NCOA7: variants seen among roughly 807,000 people sequenced by gnomAD.
NCOA7 encodes nuclear receptor coactivator 7.
A neutral mutation model predicts 104.3 loss-of-function variants in NCOA7; 45 were observed. The ratio of observed to expected loss-of-function variants is 0.43; its 90% CI spans 0.34 to 0.55. The LOEUF is 0.55. NCOA7 is among the 20% of genes least tolerant of loss of function. The pLI, the probability that NCOA7 is intolerant of heterozygous loss-of-function variation, is 0.02. For missense variants in NCOA7, 1,041 were observed against 1,119.7 expected, an observed-to-expected ratio of 0.93 and a Z score of 1.00; for synonymous variants, 398 against 402.3, an observed-to-expected ratio of 0.99 and a Z score of 0.13.
chr6:125,788,852 C>T (rs1460735590), upstream of NCOA7, among the ~76,000 whole-genome samples: 4 of 151,870 alleles, frequency 2.6e-5, no homozygotes, highest in Admixed American at 1.3e-4. Context: ...AGAAGACTGA[C>T]GTTTTATAAT....
chr6:125,885,209 C>T lies in NCOA7; in HGVS notation c.750C>T (p.Asp250=). The part of the protein sequence containing the change: ...MIVTPNNIMF[D]PHKSDPLVIE... ...TGACTCCTAACAACATCATGTTTGACCCTCATAAATCTGATCCTCTGGTTA... is the reference window on the plus strand; with the variant it reads ...TGACTCCTAACAACATCATGTTTGATCCTCATAAATCTGATCCTCTGGTTA... The change falls in exon 8 of 16, where the codon GAC becomes GAT. Residue 250 remains aspartate, a synonymous_variant. Transcript: ENST00000392477. 1 of 1,613,984 alleles carries T rather than the reference C, an allele frequency of 6.2e-7. No homozygotes were observed. Among genetic ancestry groups the T allele is most frequent in the African/African-American group, 1.3e-5 (1 of 75,006 alleles).
intron 2 of NCOA7, among the ~76,000 whole-genome samples, 195 bp from the exon 3 acceptor site, chr6:125,854,825 C>T (rs1352954990): frequency 6.6e-6 from 1 of 151,898 alleles, no homozygotes; most frequent in East Asian, 1.9e-4. Context: ...TGAAGAAAGG[C>T]CACAGATCTC....
At chr6:125,825,902 A>C (rs914993863) in intron 2 of NCOA7, among the ~76,000 whole-genome samples, 2 of 152,262 alleles carry the variant, frequency 1.3e-5, no homozygotes, top group African/African-American at 4.8e-5. Context: ...AAATGTAAAA[A>C]CAGGTATATA....
rs1457413943 is a variant in NCOA7 at position 125,891,321 on chromosome 6, TTTCAA to T, written c.2096+516_2096+520del. 2.0e-5 allele frequency among the ~76,000 whole-genome samples: 3 copies of T among 152,178 alleles called. No homozygotes were observed. The East Asian group carries it at 5.8e-4, about 29-fold the overall frequency. On this transcript the variant is annotated intron_variant, in intron 10 of 15. Coordinates refer to ENST00000392477, the MANE Select transcript of NCOA7 (RefSeq NM_181782.5). ...TGTATACTCCTATAAAAAATTATAT[TTTCAA>T]TTCACCAAAGAAGATACCTTCTTGG...
intron 2 of NCOA7, among the ~76,000 whole-genome samples, chr6:125,822,874 G>T (rs112153440): frequency 1.1e-3 from 168 of 151,048 alleles, no homozygotes; most frequent in African/African-American, 3.9e-3. Flanking sequence ...GGCAGAGGTT[G>T]CAGTGACCCG....
At chr6:125,816,281 A>G (rs931872158) in intron 2 of NCOA7, among the ~76,000 whole-genome samples, 1 of 152,210 alleles carries the variant, frequency 6.6e-6, no homozygotes, top group Non-Finnish European at 1.5e-5. Flanking sequence ...GGACAGAAAC[A>G]ATTTAAGGAC....
intron 2 of NCOA7, among the ~76,000 whole-genome samples, chr6:125,829,968 G>A (rs1408875779): frequency 1.3e-5 from 2 of 152,140 alleles, no homozygotes; most frequent in African/African-American, 4.8e-5. Flanking sequence ...TATGGAGGTC[G>A]TGTGGGCTAC....
chr6:125,892,534 C>T (rs184171074), intron 10 of NCOA7, among the ~76,000 whole-genome samples: 49 of 152,090 alleles, frequency 3.2e-4, no homozygotes, highest in African/African-American at 1.1e-3. Context: ...ATTAGCCAGG[C>T]GTGGTGGTGG....
At chr6:125,899,956 T>C (rs1437217655) in intron 10 of NCOA7, 2 of 531,260 alleles carry the variant, frequency 3.8e-6, no homozygotes, top group Admixed American at 1.9e-5. Flanking sequence ...CTTTGGAGAA[T>C]AGCTGAGGGT....
chr6:125,851,513 G>A (rs1583374972), intron 2 of NCOA7, among the ~76,000 whole-genome samples: 1 of 152,084 alleles, frequency 6.6e-6, no homozygotes, highest in Non-Finnish European at 1.5e-5. Flanking sequence ...TGGGCACTTT[G>A]GTTTATTCCA....
In NCOA7 at chr6:125,864,480, C is replaced by G. The variant is rs1276940178; in HGVS notation, c.271+9240C>G. On this transcript the variant is annotated intron_variant, in intron 3 of 15. Transcript: ENST00000392477. ...TAAATTTATTTGTGTTTTAAAATCA[C>G]TACTATGATCTGAATATTTGTGTCC... is the stretch of plus-strand genomic sequence containing the variant. 2.2e-5 allele frequency among the ~76,000 whole-genome samples: 3 copies of G among 135,690 alleles called. 1 individual carries two copies. Among genetic ancestry groups the G allele is most frequent in the Non-Finnish European group, 4.7e-5 (3 of 64,332 alleles). 89.0% of individuals were successfully genotyped at this position (135,690 alleles called of 152,430 possible).
At chr6:125,852,125 T>G (rs1036901931) in intron 2 of NCOA7, among the ~76,000 whole-genome samples, 2 of 150,898 alleles carry the variant, frequency 1.3e-5, no homozygotes, top group African/African-American at 5.0e-5. Flanking sequence ...TATTTTTGTT[T>G]TTATTGCATT....
At position 125,889,697 on chromosome 6, in the gene NCOA7, G is replaced by T; in HGVS notation, c.1643G>T (p.Gly548Val). ...TTGCAGAAAACAGAATTAAGTGATG[G>T]AAAAAGTATTGAACCAGGGGGAATA... ...ENLQKTELSD[G>V]KSIEPGGIDI... The change falls in exon 9 of 16, where the codon GGA (glycine) becomes GTA (valine). Residue 548 changes from glycine to valine, a missense_variant. Transcript: ENST00000392477. 3 of 1,613,946 alleles carry T rather than the reference G, an allele frequency of 1.9e-6. No homozygotes were observed. Among genetic ancestry groups the T allele is most frequent in the Non-Finnish European group, 2.5e-6 (3 of 1,179,952 alleles).
chr6:125,802,965 C>A (rs549560993), intron 1 of NCOA7, among the ~76,000 whole-genome samples: 1 of 152,280 alleles, frequency 6.6e-6, no homozygotes, highest in South Asian at 2.1e-4. Context: ...CCCGAACCCA[C>A]GTTTGTGTAT....
At chr6:125,788,070 G>C (rs946215489), upstream of NCOA7, among the ~76,000 whole-genome samples, 11 of 152,166 alleles carry the variant, frequency 7.2e-5, no homozygotes, top group African/African-American at 2.7e-4. Context: ...ACTTTCTACT[G>C]AGGTTTGATC....
intron 2 of NCOA7, among the ~76,000 whole-genome samples, chr6:125,840,867 G>GTTTTTTTTTTTTTTTTTTTTTTT (rs1305583308): frequency 3.9e-5 from 2 of 50,656 alleles, no homozygotes; most frequent in Non-Finnish European, 7.6e-5. Flanking sequence ...TTGTTTGGTT[G>GTTTTTTTTTTTTTTTTTTTTTTT]GTTTTTTTTT....
intron 1 of NCOA7, among the ~76,000 whole-genome samples, chr6:125,809,199 T>G (rs950585259): frequency 6.6e-6 from 1 of 152,090 alleles, no homozygotes; most frequent in East Asian, 1.9e-4. Flanking sequence ...TGTTTTTTGT[T>G]TTTTTTTGAG....
intron 1 of NCOA7, among the ~76,000 whole-genome samples, chr6:125,791,275 G>A (rs1288154483): frequency 7.2e-5 from 11 of 152,262 alleles, no homozygotes; most frequent in Admixed American, 6.5e-5. Context: ...GGGGGCGAAG[G>A]AGAGATTGAC....
rs370131271 is a variant in NCOA7 at position 125,833,592 on chromosome 6, G to A, written c.50+18188G>A. On this transcript the variant is annotated intron_variant, in intron 2 of 15. Transcript: ENST00000392477. ...TGTCAAAAGAAAAGGAAAGGAAAGG[G>A]AGGGGGGGAGGGGGAGGGACAGGGG... Among the ~76,000 whole-genome samples, 14 of 149,826 alleles carry A rather than the reference G, an allele frequency of 9.3e-5. No homozygotes were observed. In the East Asian group the frequency reaches 1.8e-3, roughly 19 times the overall value.
Sources: allele counts gnomAD v4.1 joint callset (sites outside exome capture counted in the v4.1 genomes callset), GRCh38; gene constraint gnomAD v4.1.1; transcripts MANE v1.5; gene names NCBI Gene and HGNC (gene_info 2026-07-23, HGNC 2026-07-21).